The following ZNF691 variants were observed in gnomAD, a reference collection of about 807,000 sequenced individuals.
ZNF691 encodes zinc finger protein 691.
ZNF691 carries 11 observed loss-of-function variants against 24.1 expected under a neutral mutation model. The ratio of observed to expected loss-of-function variants is 0.46; its 90% CI spans 0.29 to 0.75. The LOEUF (loss-of-function observed/expected upper bound fraction) is 0.75. Ranked by LOEUF, ZNF691 falls within the 30% of genes least tolerant of loss-of-function variation. The pLI is 0.11. For missense variants in ZNF691, 356 were observed against 409.0 expected (o/e 0.87, Z 1.12); for synonymous variants, 149 against 153.9 (o/e 0.97, Z 0.23).
intron 3 of ZNF691, chr1:42,850,689 G>C: frequency 1.3e-6 from 2 of 1,550,576 alleles, no homozygotes; most frequent in Non-Finnish European, 1.7e-6. Context: ...TTATTCAAAT[G>C]GCACAAATAT....
Position 42,851,441 on chromosome 1 carries a change from T to C in ZNF691, c.576T>C (p.Asp192=). 4 of 1,614,134 alleles carry C rather than the reference T, an allele frequency of 2.5e-6. No homozygotes were observed. In the South Asian group the frequency reaches 4.4e-5, roughly 18 times the overall value. ...CAGACCTCACCACGCACCAGCAAGA[T>C]CACCTAGGCAAGCGGCCATACCGCT... The part of the protein sequence containing the change: ...RRSDLTTHQQ[D]HLGKRPYRCD... The change falls in exon 4 of 4, where the codon GAT becomes GAC. Residue 192 remains aspartate (D), a synonymous_variant. Transcript: ENST00000651192. The surrounding 1 kb of genome is among the most constrained non-coding windows in gnomAD (Gnocchi z 4.7).
rs1655408395 is a variant in ZNF691, at chr1:42,851,909, GC to G, written c.*99del. Reference sequence around the variant, plus strand: ...TCTTTTGCTGCTACCTTGACCTCAAGCCCTTCATCCCACTTTGGAGAATGGT... The same window carrying G: ...TCTTTTGCTGCTACCTTGACCTCAAGCCTTCATCCCACTTTGGAGAATGGT... On this transcript the variant is annotated 3_prime_UTR_variant, in exon 4 of 4. Transcript: ENST00000651192. This position sits in a 1 kb window ranked among gnomAD's most constrained non-coding sequence, Gnocchi z 4.7. 2 of 1,549,286 alleles carry G rather than the reference GC, an allele frequency of 1.3e-6. No individual in the cohort carries two copies. Among genetic ancestry groups the G allele is most frequent in the Non-Finnish European group, 1.8e-6 (2 of 1,139,070 alleles).
Position 42,852,469 on chromosome 1 carries a change from C to T in ZNF691, c.*656C>T, listed in dbSNP as rs968420202. On this transcript the variant is annotated 3_prime_UTR_variant, in exon 4 of 4. Transcript: ENST00000651192. ...CAGAGTGATTAGCAGTAAAACCCTT[C>T]AATGAAAAGGACCCGTGTACTTATT... 5 of 172,624 alleles carry T rather than the reference C, an allele frequency of 2.9e-5. No homozygotes were observed. The highest frequency in any genetic ancestry group is 1.9e-4 in the South Asian group (1 of 5,356). 10.7% of individuals were successfully genotyped at this position (172,624 alleles called of 1,614,324 possible).
In ZNF691 at chr1:42,851,670, A is replaced by C; in HGVS notation, c.805A>C (p.Asn269His). The C allele has an allele frequency of 6.2e-7, 1 of 1,614,056 alleles. No individual in the cohort carries two copies. The highest frequency in any genetic ancestry group is 8.5e-7 in the Non-Finnish European group (1 of 1,180,014). Residue 269 changes from asparagine (N) to histidine (H), a missense_variant, in exon 4 of 4, where the codon AAC becomes CAC. Coordinates refer to ENST00000651192, the MANE Select transcript of ZNF691 (RefSeq NM_001242739.2). The surrounding 1 kb of genome is among the most constrained non-coding windows in gnomAD (Gnocchi z 4.7). ...TGGGCGGACCTTCAGCGATATCTCC[A>C]ACTTTGGAGCACACCAGCGGACCCA... ...ECGRTFSDIS[N>H]FGAHQRTHRG...
In ZNF691 at chr1:42,849,707, C is replaced by G. The variant is rs1655328229; in HGVS notation, c.49C>G (p.Gln17Glu). The G allele has an allele frequency of 6.4e-7, 1 of 1,551,096 alleles. No individual in the cohort carries two copies. The highest frequency in any genetic ancestry group is 8.7e-7 in the Non-Finnish European group (1 of 1,147,136). ...THSAEMSLFL[Q>E]GPEEMLPLSS... is the part of the protein sequence containing the mutation. ...CTCTGCTGAAATGTCGTTATTTCTTCAAGGCCCGGAGGAAATGCTACCACT... is the reference window on the plus strand; with the variant it reads ...CTCTGCTGAAATGTCGTTATTTCTTGAAGGCCCGGAGGAAATGCTACCACT... Residue 17 changes from glutamine (Q) to glutamate (E), a missense_variant, in exon 3 of 4, where the codon CAA (glutamine) becomes GAA (glutamate). By Grantham distance (29) the Gln-to-Glu change is conservative. Transcript: ENST00000651192.
Position 42,849,539 on chromosome 1 carries a change from C to CT in ZNF691, c.-94-23dup, listed in dbSNP as rs374939289. 226 of 826,988 alleles carry CT rather than the reference C, an allele frequency of 2.7e-4. No homozygotes were observed. In the East Asian group the frequency reaches 5.3e-3, roughly 19 times the overall value. 51.2% of individuals were successfully genotyped at this position (826,988 alleles called of 1,614,324 possible). On this transcript the variant is annotated intron_variant, in intron 2 of 3. Transcript: ENST00000651192. ...CCCTAAATGTAGTCAGTACCCCTTT[C>CT]TTTATTCTGTGTTTCTTTTTTCCAG...
Position 42,851,149 on chromosome 1 carries a change from G to A in ZNF691, c.284G>A (p.Arg95Gln), listed in dbSNP as rs200892709. 5.9e-5 allele frequency: 96 copies of A among 1,614,072 alleles called. No individual in the cohort carries two copies. Among genetic ancestry groups the A allele is most frequent in the Non-Finnish European group, 7.5e-5 (88 of 1,180,038 alleles). ...AAGCCATGGCAGAAAGTCACTGTCC[G>A]GGCTCGAGAGCTAGGGGACCCCATT... ...PKKPWQKVTV[R>Q]ARELGDPIAH... is the part of the protein sequence containing the mutation. The change falls in exon 4 of 4, where the codon CGG becomes CAG. Residue 95 changes from arginine (R) to glutamine (Q), a missense_variant. Arg to Gln is a conservative substitution (Grantham distance 43). Coordinates refer to ENST00000651192, the MANE Select transcript of ZNF691 (RefSeq NM_001242739.2). This position sits in a 1 kb window ranked among gnomAD's most constrained non-coding sequence, Gnocchi z 4.7.
chr1:42,850,506 A>G (rs1655353419), intron 3 of ZNF691: 2 of 985,472 alleles, frequency 2.0e-6, no homozygotes, highest in East Asian at 1.1e-4. Flanking sequence ...AAGCAGGCAT[A>G]TAGGTAGATA....
At chr1:42,847,922 G>C (rs918953299) in intron 1 of ZNF691, among the ~76,000 whole-genome samples, 1 of 152,134 alleles carries the variant, frequency 6.6e-6, no homozygotes, top group African/African-American at 2.4e-5. Context: ...CACTTGATTC[G>C]AGCTTTAAAA....
At chr1:42,849,476 G>C in intron 2 of ZNF691, 63 bp downstream of exon 2, 2 of 693,244 alleles carry the variant, frequency 2.9e-6, no homozygotes, top group South Asian at 3.0e-5. Flanking sequence ...AATTTGCAGA[G>C]AGCGATAAAG....
chr1:42,849,339 T>C lies in ZNF691; in HGVS notation c.-169T>C. ...AGTTGTAACAGCAGCTGCCATTTGC[T>C]GAATGACAGCATGTGTCACACACTC... On this transcript the variant is annotated 5_prime_UTR_variant, in exon 2 of 4. Coordinates refer to ENST00000651192, the MANE Select transcript of ZNF691 (RefSeq NM_001242739.2). 1 of 517,610 alleles carries C rather than the reference T, an allele frequency of 1.9e-6. No homozygotes were observed. The allele number at this position is 517,610 out of a possible 1,614,324, so 32.1% of individuals were successfully genotyped here. A position where few individuals can be genotyped will look rare whatever the true frequency, so the allele number is the denominator to read the frequency against.
intron 1 of ZNF691, among the ~76,000 whole-genome samples, chr1:42,847,152 C>T (rs1018272062): frequency 6.6e-6 from 1 of 152,180 alleles, no homozygotes; most frequent in African/African-American, 2.4e-5. Context: ...GTATCTCTGA[C>T]CCGTTATCTA....
intron 3 of ZNF691, chr1:42,850,696 A>G (rs1557621394): frequency 6.4e-7 from 1 of 1,550,646 alleles, no homozygotes; most frequent in Non-Finnish European, 8.7e-7. Flanking sequence ...AATGGCACAA[A>G]TATCATCTGG....
intron 3 of ZNF691, 37 bp downstream of exon 3, chr1:42,849,779 G>T (rs780255794): frequency 2.8e-4 from 424 of 1,514,326 alleles, no homozygotes; most frequent in Non-Finnish European, 3.8e-4. Context: ...GTCCTTGGCT[G>T]TAGGAACCCA....
intron 3 of ZNF691, 39 bp from the exon 4 acceptor site, chr1:42,850,911 C>T (rs1246166099): frequency 6.5e-7 from 1 of 1,540,984 alleles, no homozygotes; most frequent in East Asian, 2.2e-5. Context: ...TGGCCCAACC[C>T]AAAGAATAAA....
intron 3 of ZNF691, 115 bp downstream of exon 3, chr1:42,849,857 T>G: frequency 1.1e-6 from 1 of 893,962 alleles, no homozygotes. Flanking sequence ...CTGGGCACTC[T>G]TATGTGTTTA....
chr1:42,851,748 A>G lies in ZNF691; in HGVS notation c.883A>G (p.Ser295Gly). The change falls in exon 4 of 4, where the codon AGC becomes GGC. Residue 295 changes from serine (S) to glycine (G), a missense_variant. Physicochemically the swap from Ser to Gly is moderately conservative, Grantham distance 56. Transcript: ENST00000651192. This position sits in a 1 kb window ranked among gnomAD's most constrained non-coding sequence, Gnocchi z 4.7. Reference protein sequence around the residue: ...CTVCGKHFSRSSNLIRHQKTH... With the variant: ...CTVCGKHFSRGSNLIRHQKTH... Reference sequence around the variant, plus strand: ...TGTGTGTGGGAAACACTTCTCCCGGAGCTCGAATCTCATCCGCCACCAGAA... The same window carrying G: ...TGTGTGTGGGAAACACTTCTCCCGGGGCTCGAATCTCATCCGCCACCAGAA... 6.2e-7 allele frequency: 1 copy of G among 1,614,236 alleles called. No homozygotes were observed. Among genetic ancestry groups the G allele is most frequent in the Non-Finnish European group, 8.5e-7 (1 of 1,180,024 alleles).
chr1:42,851,487 T>C lies in ZNF691; in HGVS notation c.622T>C (p.Phe208Leu). 1.2e-6 allele frequency: 2 copies of C among 1,614,174 alleles called. No homozygotes were observed. The highest frequency in any genetic ancestry group is 2.7e-5 in the African/African-American group (2 of 75,046). The part of the protein sequence containing the change: ...PYRCDICGKS[F>L]SQSATLAVHH... Reference sequence around the variant, plus strand: ...CCGCTGTGACATCTGTGGCAAGAGCTTCAGCCAGAGTGCCACGCTAGCTGT... The same window carrying C: ...CCGCTGTGACATCTGTGGCAAGAGCCTCAGCCAGAGTGCCACGCTAGCTGT... The change falls in exon 4 of 4, where the codon TTC (phenylalanine) becomes CTC (leucine). Residue 208 changes from phenylalanine to leucine, a missense_variant. Physicochemically the swap from Phe to Leu is conservative, Grantham distance 22. Transcript: ENST00000651192. The surrounding 1 kb of genome is among the most constrained non-coding windows in gnomAD (Gnocchi z 4.7).
Position 42,851,392 on chromosome 1 carries a change from G to A in ZNF691, c.527G>A (p.Cys176Tyr). Residue 176 changes from cysteine to tyrosine, a missense_variant, in exon 4 of 4, where the codon TGC becomes TAC. By Grantham distance (194) the Cys-to-Tyr change is radical. Coordinates refer to ENST00000651192, the MANE Select transcript of ZNF691 (RefSeq NM_001242739.2). This position sits in a 1 kb window ranked among gnomAD's most constrained non-coding sequence, Gnocchi z 4.7. ...GAGAAACACTACAAATGCCCCAAGTGCCAGGAGAGCTTTCGGCGGCGCTCA... is the reference window on the plus strand; with the variant it reads ...GAGAAACACTACAAATGCCCCAAGTACCAGGAGAGCTTTCGGCGGCGCTCA... ...LEEKHYKCPK[C>Y]QESFRRRSDL... 1.2e-6 allele frequency: 2 copies of A among 1,614,172 alleles called. No individual in the cohort carries two copies. The highest frequency in any genetic ancestry group is 1.7e-6 in the Non-Finnish European group (2 of 1,180,028).
Sources: allele counts gnomAD v4.1 joint callset (sites outside exome capture counted in the v4.1 genomes callset), GRCh38; gene constraint gnomAD v4.1.1; non-coding constraint Gnocchi (gnomAD v3.1); transcripts MANE v1.5; gene names NCBI Gene and HGNC (gene_info 2026-07-23, HGNC 2026-07-21).